Variants in BCL10 observed in about 807,000 individuals in gnomAD.
BCL10 encodes the protein B-cell lymphoma/leukemia 10.
Under a neutral mutation model 19.2 loss-of-function variants are expected in BCL10, and 5 were observed. That is an observed-to-expected ratio of 0.26 (90% CI 0.14 to 0.55). The LOEUF is 0.55. BCL10 is among the 20% of genes least tolerant of loss of function. The probability of loss-of-function intolerance (pLI) is 0.94; values close to 1 mark genes in which losing one functional copy is unlikely to be tolerated. For synonymous variants in BCL10, 110 were observed against 98.8 expected (o/e 1.11, Z -0.67); for missense variants, 201 against 271.9 (o/e 0.74, Z 1.83).
chr1:85,272,048 G>GA (rs1437741026), intron 1 of BCL10, among the ~76,000 whole-genome samples: 4 of 151,722 alleles, frequency 2.6e-5, no homozygotes, highest in Non-Finnish European at 5.9e-5. Context: ...ATCGGGCCCA[G>GA]AAAAAAAAGA....
At chr1:85,275,732 T>C (rs1008922431) in intron 1 of BCL10, among the ~76,000 whole-genome samples, 3 of 152,204 alleles carry the variant, frequency 2.0e-5, no homozygotes, top group Admixed American at 2.0e-4. Context: ...CGTTTACCTG[T>C]ACATTAATTC....
rs71650007 is a variant in BCL10 at position 85,266,876 on chromosome 1, C to CAAAAAAAAAAAAA, written c.*738_*750dup. Reference sequence around the variant, plus strand: ...CCTGGGCGATAGAGCAAGACTGTCTCAAAAAAAAAAAAAAAAAAAAAAGAA... The same window carrying CAAAAAAAAAAAAA: ...CCTGGGCGATAGAGCAAGACTGTCTCAAAAAAAAAAAAAAAAAAAAAAAAAAAAAAAAAAAGAA... On this transcript the variant is annotated 3_prime_UTR_variant, in exon 3 of 3. Coordinates refer to ENST00000648566, the MANE Select transcript of BCL10 (RefSeq NM_003921.5). 2 of 88,080 alleles carry CAAAAAAAAAAAAA rather than the reference C, an allele frequency of 2.3e-5. No homozygotes were observed. The highest frequency in any genetic ancestry group is 4.2e-5 in the Non-Finnish European group (2 of 47,556). The allele number at this position is 88,080 out of a possible 1,614,324, so 5.5% of individuals were successfully genotyped here.
chr1:85,276,196 T>C (rs1330965623), intron 1 of BCL10, 100 bp downstream of exon 1: 1 of 1,462,164 alleles, frequency 6.8e-7, no homozygotes, highest in Non-Finnish European at 9.6e-7. Context: ...TCCTCCGACC[T>C]GGAGGATCCT....
intron 1 of BCL10, among the ~76,000 whole-genome samples, chr1:85,271,664 G>A (rs1660373405): frequency 6.6e-6 from 1 of 152,124 alleles, no homozygotes; most frequent in African/African-American, 2.4e-5. Flanking sequence ...CTATTTACTA[G>A]ATATATGATC....
Position 85,270,669 on chromosome 1 carries a change from T to C in BCL10, c.295A>G (p.Ile99Val). The C allele has an allele frequency of 1.9e-6, 3 of 1,612,182 alleles. No homozygotes were observed. Among genetic ancestry groups the C allele is most frequent in the Non-Finnish European group, 2.5e-6 (3 of 1,179,426 alleles). The change falls in exon 2 of 3, where the codon ATT becomes GTT. Residue 99 changes from isoleucine (I) to valine (V), a missense_variant. Physicochemically the swap from Ile to Val is conservative, Grantham distance 29. Around this residue, in one of 3 missense-constraint regions of BCL10, gnomAD observed 51 missense variants for 118.8 expected, o/e 0.43. Coordinates refer to ENST00000648566, the MANE Select transcript of BCL10 (RefSeq NM_003921.5). The stretch of plus-strand genomic sequence containing the variant: ...CTAAGTTTCAGCACTTCATCTGTAA[T>C]CTTCTGTATCAGGAAGTTCTGTGTT... ...EKTQNFLIQK[I>V]TDEVLKLRNI...
In BCL10 at chr1:85,276,445, G is replaced by C; in HGVS notation, c.-93C>G. 3.5e-6 allele frequency: 5 copies of C among 1,425,232 alleles called. No homozygotes were observed. Among genetic ancestry groups the C allele is most frequent in the South Asian group, 3.5e-5 (3 of 86,456 alleles). 88.3% of individuals were successfully genotyped at this position (1,425,232 alleles called of 1,614,324 possible). On this transcript the variant is annotated 5_prime_UTR_variant, in exon 1 of 3. Coordinates refer to ENST00000648566, the MANE Select transcript of BCL10 (RefSeq NM_003921.5). ...GGGGCTTCGGCCTCCGGGTAATGGG[G>C]AAGAAGGAGAGGAGGCGGAGCGGGT...
chr1:85,273,133 T>C (rs1660411897), intron 1 of BCL10, among the ~76,000 whole-genome samples: 1 of 152,200 alleles, frequency 6.6e-6, no homozygotes. Flanking sequence ...TCTGTCCTTG[T>C]AGCACCTTGT....
At chr1:85,271,976 T>A (rs1168149604) in intron 1 of BCL10, among the ~76,000 whole-genome samples, 2 of 152,060 alleles carry the variant, frequency 1.3e-5, no homozygotes, top group Non-Finnish European at 2.9e-5. Flanking sequence ...GAATCCTACA[T>A]GCAAAGGGCT....
At chr1:85,275,697 T>G (rs2100754127) in intron 1 of BCL10, among the ~76,000 whole-genome samples, 1 of 152,316 alleles carries the variant, frequency 6.6e-6, no homozygotes, top group African/African-American at 2.4e-5. Flanking sequence ...GAGAAGAGCA[T>G]AATTTAGCTA....
intron 2 of BCL10, among the ~76,000 whole-genome samples, chr1:85,269,588 C>T (rs890140565): frequency 6.6e-6 from 1 of 152,200 alleles, no homozygotes; most frequent in African/African-American, 2.4e-5. Flanking sequence ...GTAATGTGTC[C>T]CAGCAAGGGG....
In BCL10 at chr1:85,276,318, T is replaced by G; in HGVS notation, c.35A>C (p.Asp12Ala). The stretch of plus-strand genomic sequence containing the variant: ...CACGTCCTTCTTCACTTCAGTGAGG[T>G]CCTCCTCGGTGAGGGACGGTGCGGT... ...EPTAPSLTEE[D>A]LTEVKKDALE... is the part of the protein sequence containing the mutation. Residue 12 changes from aspartate (D) to alanine (A), a missense_variant, in exon 1 of 3, where the codon GAC becomes GCC. By Grantham distance (126) the Asp-to-Ala change is moderately radical. Around this residue, in one of 3 missense-constraint regions of BCL10, gnomAD observed 24 missense variants for 16.6 expected, o/e 1.45. Coordinates refer to ENST00000648566, the MANE Select transcript of BCL10 (RefSeq NM_003921.5). 1 of 1,613,280 alleles carries G rather than the reference T, an allele frequency of 6.2e-7. No individual in the cohort carries two copies. Among genetic ancestry groups the G allele is most frequent in the Non-Finnish European group, 8.5e-7 (1 of 1,179,528 alleles).
Position 85,276,467 on chromosome 1 carries a change from G to T in BCL10, c.-115C>A. ...GGGGAAGAAGGAGAGGAGGCGGAGCGGGTCGGGAGAAAGACGGCCGCCCCT... is the reference window on the plus strand; with the variant it reads ...GGGGAAGAAGGAGAGGAGGCGGAGCTGGTCGGGAGAAAGACGGCCGCCCCT... On this transcript the variant is annotated 5_prime_UTR_variant, in exon 1 of 3. Coordinates refer to ENST00000648566, the MANE Select transcript of BCL10 (RefSeq NM_003921.5). 8.0e-7 allele frequency: 1 copy of T among 1,254,764 alleles called. No individual in the cohort carries two copies. The allele number at this position is 1,254,764 out of a possible 1,614,324, so 77.7% of individuals were successfully genotyped here.
chr1:85,275,595 A>C (rs1352836684), intron 1 of BCL10, among the ~76,000 whole-genome samples: 1 of 152,248 alleles, frequency 6.6e-6, no homozygotes, highest in Non-Finnish European at 1.5e-5. Flanking sequence ...CATCTGACAA[A>C]ACAAGTAAAC....
At chr1:85,272,266 C>T (rs1260712132) in intron 1 of BCL10, among the ~76,000 whole-genome samples, 1 of 152,094 alleles carries the variant, frequency 6.6e-6, no homozygotes, top group Admixed American at 6.6e-5. Flanking sequence ...GGATCTCACT[C>T]TGTCACCTAG....
chr1:85,269,900 T>C (rs920325780), intron 2 of BCL10, among the ~76,000 whole-genome samples: 2 of 152,248 alleles, frequency 1.3e-5, no homozygotes, highest in Non-Finnish European at 2.9e-5. Flanking sequence ...ATGAATATTT[T>C]ATGCAACGTG....
In BCL10 at chr1:85,276,548, G is replaced by A; in HGVS notation, c.-196C>T. The A allele has an allele frequency of 4.9e-6, 3 of 616,722 alleles. No homozygotes were observed. The highest frequency in any genetic ancestry group is 2.9e-5 in the Admixed American group (1 of 34,056). The allele number at this position is 616,722 out of a possible 1,614,324, so 38.2% of individuals were successfully genotyped here. On this transcript the variant is annotated 5_prime_UTR_variant, in exon 1 of 3. Transcript: ENST00000648566. ...GTAGCGCTTCCGGCCCCGCCTCTGA[G>A]GTCGACGGCGACGCGAATCTACGCG...
At position 85,276,357 on chromosome 1, in the gene BCL10, G is replaced by C; in HGVS notation, c.-5C>G. ...GGACGGTGCGGTGGGCTCCATGGTGGAGGCGGGAGATGGCGCTTCTTCCGG... is the reference window on the plus strand; with the variant it reads ...GGACGGTGCGGTGGGCTCCATGGTGCAGGCGGGAGATGGCGCTTCTTCCGG... On this transcript the variant is annotated 5_prime_UTR_variant, in exon 1 of 3. Coordinates refer to ENST00000648566, the MANE Select transcript of BCL10 (RefSeq NM_003921.5). The C allele has an allele frequency of 6.2e-7, 1 of 1,613,396 alleles. No homozygotes were observed. Among genetic ancestry groups the C allele is most frequent in the Admixed American group, 1.7e-5 (1 of 59,968 alleles).
intron 1 of BCL10, among the ~76,000 whole-genome samples, chr1:85,272,135 T>C (rs1412639958): frequency 6.6e-6 from 1 of 152,232 alleles, no homozygotes; most frequent in African/African-American, 2.4e-5. Flanking sequence ...ATATCTGGCA[T>C]GGACTATTAA....
intron 1 of BCL10, among the ~76,000 whole-genome samples, chr1:85,271,908 T>C (rs984243586): frequency 2.6e-5 from 4 of 152,206 alleles, no homozygotes; most frequent in African/African-American, 4.8e-5. Flanking sequence ...ATTTTACAAA[T>C]CTAAATTCCT....
Sources: allele counts gnomAD v4.1 joint callset (sites outside exome capture counted in the v4.1 genomes callset), GRCh38; gene constraint gnomAD v4.1.1; regional missense constraint gnomAD v4.1.1; transcripts MANE v1.5; gene names NCBI Gene and HGNC (gene_info 2026-07-23, HGNC 2026-07-21).